TLE3: variants seen among roughly 807,000 people sequenced by gnomAD.
TLE3 encodes the protein TLE family member 3, transcriptional corepressor, also known as transducin-like enhancer protein 3.
Under a neutral mutation model 93.0 loss-of-function variants are expected in TLE3, and 14 were observed. The observed-to-expected ratio is 0.15, with a 90% CI of 0.10 to 0.24. TLE3 has a LOEUF of 0.24. Among genes scored for constraint, TLE3 ranks in the 10% least tolerant of loss-of-function variants. TLE3 has a pLI of 1.00. For synonymous variants in TLE3, 451 were observed against 425.0 expected, an observed-to-expected ratio of 1.06 and a Z score of -0.75; for missense variants, 693 against 1,046.6, an observed-to-expected ratio of 0.66 and a Z score of 4.66.
At chr15:70,068,856 T>C (rs2056973784) in intron 6 of TLE3, among the ~76,000 whole-genome samples, 1 of 152,202 alleles carries the variant, frequency 6.6e-6, no homozygotes, top group African/African-American at 2.4e-5. Context: ...CAGGTCAGAA[T>C]GGATTTCTCT....
In TLE3 at chr15:70,078,204, AT is replaced by A. The variant is rs201089663; in HGVS notation, c.235-2047del. ...AACAGGGTCCTTCCTCACTCTGCTT[AT>A]TTTTTCCTCGCCTAAATCAACTGAT... On this transcript the variant is annotated intron_variant, in intron 4 of 19. Coordinates refer to ENST00000451782, the MANE Select transcript of TLE3 (RefSeq NM_001105192.3). Among the ~76,000 whole-genome samples the A allele has an allele frequency of 2.5e-3, 381 of 152,242 alleles. 11 individuals are homozygous for A. In the East Asian group the frequency reaches 0.071, roughly 28 times the overall value.
At chr15:70,076,248 G>A (rs1248615291) in intron 4 of TLE3, 90 bp from the exon 5 acceptor site, 3 of 1,213,690 alleles carry the variant, frequency 2.5e-6, no homozygotes, top group Non-Finnish European at 1.2e-6. Context: ...ACTCCCCCCA[G>A]ACCACAGCCC....
At chr15:70,078,762 C>T (rs571482428) in intron 4 of TLE3, among the ~76,000 whole-genome samples, 1 of 152,370 alleles carries the variant, frequency 6.6e-6, no homozygotes, top group South Asian at 2.1e-4. Context: ...CTCCTCCCCA[C>T]AGCCAGGAAG....
chr15:70,057,696 G>A (rs1307325191), intron 12 of TLE3, 38 bp from the exon 13 acceptor site: 3 of 1,540,744 alleles, frequency 1.9e-6, no homozygotes, highest in Non-Finnish European at 2.6e-6. Context: ...GGCCTTAGGT[G>A]GATTGGGACA....
Position 70,050,031 on chromosome 15 carries a change from G to C in TLE3, c.*66C>G. The C allele has an allele frequency of 6.9e-7, 1 of 1,441,552 alleles. No individual in the cohort carries two copies. Among genetic ancestry groups the C allele is most frequent in the Non-Finnish European group, 9.7e-7 (1 of 1,026,520 alleles). The allele number at this position is 1,441,552 out of a possible 1,614,324, so 89.3% of individuals were successfully genotyped here. On this transcript the variant is annotated 3_prime_UTR_variant, in exon 20 of 20. Transcript: ENST00000451782. ...CCGCCATCCTCGGGGCCCCTCGCCTGGGGGTCTCCCTGTCAGAGCCGAGTC... is the reference window on the plus strand; with the variant it reads ...CCGCCATCCTCGGGGCCCCTCGCCTCGGGGTCTCCCTGTCAGAGCCGAGTC...
At chr15:70,060,864 C>T in intron 8 of TLE3, 1 of 654,974 alleles carries the variant, frequency 1.5e-6, no homozygotes, top group Non-Finnish European at 2.7e-6. Flanking sequence ...GCCCTGGGCG[C>T]ATCCCCAATT....
Position 70,054,889 on chromosome 15 carries a change from C to A in TLE3, c.1578+160G>T. 5.6e-6 allele frequency: 7 copies of A among 1,260,936 alleles called. No homozygotes were observed. The South Asian group carries it at 1.1e-4, about 20-fold the overall frequency. 78.1% of individuals were successfully genotyped at this position (1,260,936 alleles called of 1,614,324 possible). On this transcript the variant is annotated intron_variant, in intron 15 of 19. Coordinates refer to ENST00000451782, the MANE Select transcript of TLE3 (RefSeq NM_001105192.3). ...CCAGGAGGTCAGAATCAGCCCCACACACAGAAGGCACAACTGAGGCTCAGA... is the reference window on the plus strand; with the variant it reads ...CCAGGAGGTCAGAATCAGCCCCACAAACAGAAGGCACAACTGAGGCTCAGA...
Position 70,096,267 on chromosome 15 carries a change from G to C in TLE3, c.25-6C>G. 6.4e-7 allele frequency: 1 copy of C among 1,551,898 alleles called. No individual in the cohort carries two copies. Among genetic ancestry groups the C allele is most frequent in the Non-Finnish European group, 8.7e-7 (1 of 1,147,630 alleles). ...TGCCCGGGTTGATGGGGAGCCTGGA[G>C]CCCGCGAAGACAAGACAGGGGAGGG... On this transcript the variant is annotated splice_polypyrimidine_tract_variant and splice_region_variant and intron_variant, in intron 1 of 19. Coordinates refer to ENST00000451782, the MANE Select transcript of TLE3 (RefSeq NM_001105192.3).
At chr15:70,056,187 G>C in intron 14 of TLE3, 111 bp downstream of exon 14, 1 of 1,194,170 alleles carries the variant, frequency 8.4e-7, no homozygotes, top group Non-Finnish European at 1.2e-6. Flanking sequence ...AAAGGGAGGT[G>C]CACCAGGGCA....
chr15:70,089,429 C>A (rs1187806182), intron 4 of TLE3, among the ~76,000 whole-genome samples: 1 of 152,140 alleles, frequency 6.6e-6, no homozygotes, highest in African/African-American at 2.4e-5. Flanking sequence ...TGAATCCAAC[C>A]CCCTCATTTC....
chr15:70,063,770 G>C (rs779356842), intron 8 of TLE3, among the ~76,000 whole-genome samples: 1 of 152,248 alleles, frequency 6.6e-6, no homozygotes, highest in African/African-American at 2.4e-5. Flanking sequence ...AGTGTGATCA[G>C]AAAGATTTAC....
chr15:70,067,361 G>A (rs1468910319), intron 6 of TLE3, among the ~76,000 whole-genome samples: 4 of 152,236 alleles, frequency 2.6e-5, no homozygotes, highest in Non-Finnish European at 4.4e-5. Context: ...CTGAATGAAT[G>A]CCTGGGCACC....
At chr15:70,053,690 G>A in intron 16 of TLE3, 1 of 219,438 alleles carries the variant, frequency 4.6e-6, no homozygotes, top group Non-Finnish European at 9.0e-6. Context: ...GGTGGAGCTG[G>A]AGGCTCAGGA....
intron 1 of TLE3, 76 bp downstream of exon 1, chr15:70,096,699 A>C (rs369726972): frequency 1.9e-6 from 3 of 1,586,586 alleles, no homozygotes; most frequent in African/African-American, 1.3e-5. Flanking sequence ...AACAAGCAAA[A>C]TGGAGGTGCC....
intron 4 of TLE3, among the ~76,000 whole-genome samples, chr15:70,092,830 T>C (rs899973140): frequency 6.6e-6 from 1 of 152,244 alleles, no homozygotes; most frequent in Admixed American, 6.5e-5. Context: ...ACACCACCCA[T>C]GCAGACCTCA....
chr15:70,066,061 T>C lies in TLE3; in HGVS notation c.530A>G (p.His177Arg), dbSNP rs779449905. 1 of 1,605,494 alleles carries C rather than the reference T, an allele frequency of 6.2e-7. No individual in the cohort carries two copies. Among genetic ancestry groups the C allele is most frequent in the Non-Finnish European group, 8.5e-7 (1 of 1,175,428 alleles). The change falls in exon 7 of 20, where the codon CAT becomes CGT. Residue 177 changes from histidine to arginine, a missense_variant. Around this residue, in one of 4 missense-constraint regions of TLE3, gnomAD observed 405 missense variants for 468.9 expected, o/e 0.86. Transcript: ENST00000451782. ...GTTCTTCTCATCCTTCACCGTCAGA[T>C]GGGCCTGGCTGCCCAGGGCGCCCAG... ...LALGALGSQAHLTVKDEKNHH... is the reference protein window; with the variant it reads ...LALGALGSQARLTVKDEKNHH...
chr15:70,054,722 T>C lies in TLE3; in HGVS notation c.1579-37A>G, dbSNP rs764329223. The stretch of plus-strand genomic sequence containing the variant: ...AGGGGCAGGGCTGAGTGCTGCCTAC[T>C]TCCCCTCCTGGGCACCAGGAGAGTC... On this transcript the variant is annotated intron_variant, in intron 15 of 19. Coordinates refer to ENST00000451782, the MANE Select transcript of TLE3 (RefSeq NM_001105192.3). 3.3e-6 allele frequency: 5 copies of C among 1,526,288 alleles called. No individual in the cohort carries two copies. The African/African-American group carries it at 4.1e-5, about 13-fold the overall frequency. The allele number at this position is 1,526,288 out of a possible 1,614,324, so 94.5% of individuals were successfully genotyped here.
chr15:70,071,750 G>C (rs1279067025), intron 6 of TLE3, among the ~76,000 whole-genome samples: 1 of 152,112 alleles, frequency 6.6e-6, no homozygotes, highest in Non-Finnish European at 1.5e-5. Flanking sequence ...CAGTGCAGTG[G>C]GGGTAGCCAC....
chr15:70,097,389 G>C lies in TLE3; in HGVS notation c.-591C>G, dbSNP rs1001783331. On this transcript the variant is annotated 5_prime_UTR_variant, in exon 1 of 20. Transcript: ENST00000451782. Reference sequence around the variant, plus strand: ...CGCCGGAGGGTGAGGGCGGGAGCCCGGCGCGGGCGCTTCGACGCCCCCCCT... The same window carrying C: ...CGCCGGAGGGTGAGGGCGGGAGCCCCGCGCGGGCGCTTCGACGCCCCCCCT... 4.9e-6 allele frequency: 2 copies of C among 407,706 alleles called. No individual in the cohort carries two copies. Among genetic ancestry groups the C allele is most frequent in the Non-Finnish European group, 8.6e-6 (2 of 231,266 alleles). 25.3% of individuals were successfully genotyped at this position (407,706 alleles called of 1,614,324 possible).
Sources: gnomAD v4.1 joint callset for allele counts (sites outside exome capture counted in the v4.1 genomes callset) on GRCh38, gnomAD v4.1.1 for gene constraint, gnomAD v4.1.1 regional missense constraint, MANE v1.5 for transcripts, NCBI Gene and HGNC (gene_info 2026-07-23, HGNC 2026-07-21) for gene names.